PDE4D: variants seen among roughly 807,000 people sequenced by gnomAD.
PDE4D encodes the protein 3',5'-cyclic-AMP phosphodiesterase 4D.
In PDE4D, 24 loss-of-function variants were observed where a neutral mutation model predicts 87.4. That is an observed-to-expected ratio of 0.27 (90% CI 0.20 to 0.39). PDE4D has a LOEUF of 0.39. Ranked by LOEUF, PDE4D falls within the 10% of genes least tolerant of loss-of-function variation. PDE4D has a pLI of 1.00. For synonymous variants in PDE4D, 384 were observed against 383.2 expected (o/e 1.00, Z -0.02); for missense variants, 714 against 1,041.0 (o/e 0.69, Z 4.32).
At chr5:60,351,310 C>T (rs1759170071) in intron 1 of PDE4D, among the ~76,000 whole-genome samples, 1 of 152,126 alleles carries the variant, frequency 6.6e-6, no homozygotes, top group Admixed American at 6.6e-5. Flanking sequence ...TAACAGAATC[C>T]CATTTTTTTG....
At chr5:60,387,336 C>G (rs1386234553) in intron 1 of PDE4D, among the ~76,000 whole-genome samples, 1 of 152,314 alleles carries the variant, frequency 6.6e-6, no homozygotes, top group Non-Finnish European at 1.5e-5. Context: ...ATCCCAATGA[C>G]GTCAATGTTA....
intron 1 of PDE4D, among the ~76,000 whole-genome samples, chr5:59,840,217 GT>G (rs1420860005): frequency 6.7e-6 from 1 of 148,212 alleles, no homozygotes; most frequent in Non-Finnish European, 1.5e-5. Flanking sequence ...TTGTCTTCTA[GT>G]TTCACACGTG....
At chr5:60,447,378 G>A (rs182024935) in intron 1 of PDE4D, among the ~76,000 whole-genome samples, 4 of 152,210 alleles carry the variant, frequency 2.6e-5, no homozygotes, top group East Asian at 3.9e-4. Flanking sequence ...AATTTGCAAC[G>A]GAAAAACATG....
intron 6 of PDE4D, among the ~76,000 whole-genome samples, chr5:59,036,632 C>CT (rs1383712673): frequency 3.3e-5 from 5 of 152,120 alleles, no homozygotes; most frequent in South Asian, 2.1e-4. Context: ...TTAGCAAGAG[C>CT]TTTTTTTTCT....
chr5:60,432,223 T>C (rs1744399680), intron 1 of PDE4D, among the ~76,000 whole-genome samples: 1 of 152,202 alleles, frequency 6.6e-6, no homozygotes, highest in South Asian at 2.1e-4. Context: ...TTTTACGTTG[T>C]TGTTATGTCT....
At chr5:60,197,071 A>AGACC (rs1384159509) in intron 1 of PDE4D, among the ~76,000 whole-genome samples, 1 of 45,834 alleles carries the variant, frequency 2.2e-5, no homozygotes, top group African/African-American at 1.0e-4. Context: ...ATAGATAGAT[A>AGACC]GACAGTTAGA....
intron 1 of PDE4D, among the ~76,000 whole-genome samples, chr5:60,440,258 A>G (rs10471256): frequency 0.14 from 21,310 of 152,152 alleles, 1,586 homozygotes; most frequent in African/African-American, 0.17. Context: ...CTTATCCAAA[A>G]CCTACACCCT....
intron 1 of PDE4D, among the ~76,000 whole-genome samples, chr5:60,419,316 T>C (rs1021542169): frequency 1.3e-5 from 2 of 152,128 alleles, no homozygotes; most frequent in Non-Finnish European, 2.9e-5. Context: ...AAATTCTTTA[T>C]ATATTAATAT....
Position 59,821,265 on chromosome 5 carries a change from C to CAACAACAAA in PDE4D, c.455+71902_455+71903insTTTGTTGTT, listed in dbSNP as rs1554092188. On this transcript the variant is annotated intron_variant, in intron 1 of 14. Transcript: ENST00000340635. ...ACAACAACAACAACAACAACAACAA[C>CAACAACAAA]AACAACAACAAAAGAAAAAGAAATA... Among the ~76,000 whole-genome samples the CAACAACAAA allele has an allele frequency of 1.2e-3, 186 of 151,936 alleles. 1 individual carries two copies. Among genetic ancestry groups the CAACAACAAA allele is most frequent in the African/African-American group, 4.2e-3 (176 of 41,436 alleles).
At chr5:59,033,165 G>T (rs1005655275) in intron 6 of PDE4D, among the ~76,000 whole-genome samples, 1 of 152,160 alleles carries the variant, frequency 6.6e-6, no homozygotes, top group African/African-American at 2.4e-5. Flanking sequence ...TAAACCTATT[G>T]TCATTGTAGT....
In PDE4D at chr5:59,881,401, C is replaced by T. The variant is rs575962576; in HGVS notation, c.455+11767G>A. 1.1e-3 allele frequency among the ~76,000 whole-genome samples: 168 copies of T among 152,200 alleles called. 1 individual carries two copies. Among genetic ancestry groups the T allele is most frequent in the Non-Finnish European group, 1.9e-3 (130 of 67,984 alleles). On this transcript the variant is annotated intron_variant, in intron 1 of 14. Coordinates refer to ENST00000340635, the MANE Select transcript of PDE4D (RefSeq NM_001104631.2). The stretch of plus-strand genomic sequence containing the variant: ...CTCCTTAAATATAACTCTCCTGCAA[C>T]ATCATCATCCTGGCAATCCATGGTG...
intron 2 of PDE4D, among the ~76,000 whole-genome samples, chr5:60,055,236 A>T (rs1176455623): frequency 6.6e-6 from 1 of 152,090 alleles, no homozygotes; most frequent in African/African-American, 2.4e-5. Flanking sequence ...TAAATATCTG[A>T]AAAAAGATAT....
chr5:60,115,811 TA>T (rs1562114232), intron 2 of PDE4D, among the ~76,000 whole-genome samples: 1 of 152,126 alleles, frequency 6.6e-6, no homozygotes, highest in Non-Finnish European at 1.5e-5. Flanking sequence ...TCAGTGCTTT[TA>T]AAAAAGAATA....
At chr5:59,925,193 G>GTTTCTTTTTTTT (rs1755122917) in intron 3 of PDE4D, among the ~76,000 whole-genome samples, 4 of 114,374 alleles carry the variant, frequency 3.5e-5, no homozygotes, top group African/African-American at 1.6e-4. Flanking sequence ...AAGAAACAAT[G>GTTTCTTTTTTTT]AAAGTTAAAA....
intron 1 of PDE4D, among the ~76,000 whole-genome samples, chr5:59,450,909 T>C (rs1212102662): frequency 6.8e-6 from 1 of 147,460 alleles, no homozygotes; most frequent in East Asian, 1.9e-4. Context: ...ATCTTTTCCA[T>C]AAGCACTTAT....
chr5:59,491,348 T>G (rs1806149561), intron 1 of PDE4D, among the ~76,000 whole-genome samples: 2 of 152,234 alleles, frequency 1.3e-5, no homozygotes, highest in African/African-American at 4.8e-5. Context: ...TTTAGCTCCC[T>G]TCTTTCTTGT....
chr5:59,976,725 A>T (rs1222439620), intron 3 of PDE4D, among the ~76,000 whole-genome samples: 1 of 152,190 alleles, frequency 6.6e-6, no homozygotes, highest in East Asian at 1.9e-4. Flanking sequence ...ATATTGTGGC[A>T]ATGCTGCATC....
chr5:59,012,974 T>C (rs916353905), intron 6 of PDE4D, among the ~76,000 whole-genome samples: 1 of 151,548 alleles, frequency 6.6e-6, no homozygotes, highest in African/African-American at 2.4e-5. Flanking sequence ...CAGTGCAAAG[T>C]AGAAGTTGGG....
At chr5:59,587,332 C>CT (rs926323476) in intron 1 of PDE4D, 51 of 566,060 alleles carry the variant, frequency 9.0e-5, no homozygotes, top group South Asian at 3.8e-4. Context: ...TCTTTCTTTT[C>CT]TTTTTTTTCC....
Sources: gnomAD v4.1 joint callset for allele counts (sites outside exome capture counted in the v4.1 genomes callset) on GRCh38, gnomAD v4.1.1 for gene constraint, MANE v1.5 for transcripts, NCBI Gene and HGNC (gene_info 2026-07-23, HGNC 2026-07-21) for gene names.